POFUT2: variants seen among roughly 807,000 people sequenced by gnomAD.
The protein encoded by POFUT2 is GDP-fucose protein O-fucosyltransferase 2.
In POFUT2, 30 loss-of-function variants were observed where a neutral mutation model predicts 55.0. That is an observed-to-expected ratio of 0.55 (90% confidence interval 0.41 to 0.74). POFUT2 has a LOEUF of 0.74. POFUT2 is among the 30% of genes least tolerant of loss of function. The probability of loss-of-function intolerance (pLI) is 0.00; values close to 1 mark genes in which losing one functional copy is unlikely to be tolerated. For synonymous variants in POFUT2, 267 were observed against 231.1 expected, an observed-to-expected ratio of 1.16 and a Z score of -1.41; for missense variants, 524 against 562.6, an observed-to-expected ratio of 0.93 and a Z score of 0.69.
rs1329914440 is a variant in POFUT2, at chr21:45,283,374, A to G, written c.527+9T>C. On this transcript the variant is annotated intron_variant, in intron 3 of 8. Coordinates refer to ENST00000349485, the MANE Select transcript of POFUT2 (RefSeq NM_133635.6). Reference sequence around the variant, plus strand: ...CACCTGCGGCAGGGGGAGCAGCCTCAGCAGGCACCTGTAGTACTCGTGCTT... The same window carrying G: ...CACCTGCGGCAGGGGGAGCAGCCTCGGCAGGCACCTGTAGTACTCGTGCTT... The G allele has an allele frequency of 1.3e-6, 2 of 1,584,276 alleles. No homozygotes were observed. Among genetic ancestry groups the G allele is most frequent in the South Asian group, 2.2e-5 (2 of 89,244 alleles).
Position 45,269,882 on chromosome 21 carries a change from G to C in POFUT2, c.969C>G (p.His323Gln). The change falls in exon 7 of 9, where the codon CAC becomes CAG. Residue 323 changes from histidine to glutamine, a missense_variant. By Grantham distance (24) the His-to-Gln change is conservative. Coordinates refer to ENST00000349485, the MANE Select transcript of POFUT2 (RefSeq NM_133635.6). ...VRKIRSLMKT[H>Q]RLDKVFVATD... ...TGGCCACAAACACCTTGTCCAGCCG[G>C]TGGGTCTTCATGAGGCTGCGGATCT... 1 of 1,611,246 alleles carries C rather than the reference G, an allele frequency of 6.2e-7. No homozygotes were observed. Among genetic ancestry groups the C allele is most frequent in the Non-Finnish European group, 8.5e-7 (1 of 1,179,210 alleles).
At chr21:45,280,735 C>T (rs1488766165) in intron 4 of POFUT2, among the ~76,000 whole-genome samples, 1 of 150,774 alleles carries the variant, frequency 6.6e-6, no homozygotes. Flanking sequence ...ACTCGCCTCA[C>T]CCCAGGCTGC....
intron 3 of POFUT2, among the ~76,000 whole-genome samples, chr21:45,283,135 G>A (rs1042739450): frequency 7.3e-5 from 11 of 150,708 alleles, no homozygotes; most frequent in Non-Finnish European, 1.2e-4. Context: ...AGGAGGGGAC[G>A]CCCAGAACCC....
At chr21:45,283,314 G>GA (rs2030958364) in intron 3 of POFUT2, 69 bp downstream of exon 3, 2 of 802,538 alleles carry the variant, frequency 2.5e-6, no homozygotes. Flanking sequence ...GAGGCGGGGG[G>GA]GGGGGGACGC....
At position 45,285,461 on chromosome 21, in the gene POFUT2, C is replaced by T. The variant is rs1038659316; in HGVS notation, c.382+217G>A. 6 of 626,978 alleles carry T rather than the reference C, an allele frequency of 9.6e-6. No homozygotes were observed. The African/African-American group carries it at 1.1e-4, about 11-fold the overall frequency. The allele number at this position is 626,978 out of a possible 1,614,324, so 38.8% of individuals were successfully genotyped here. A position where few individuals can be genotyped will look rare whatever the true frequency, so the allele number is the denominator to read the frequency against. The stretch of plus-strand genomic sequence containing the variant: ...AAGCTCATCCACTTCAGGTCCATTT[C>T]CGAGAAACATTTTGGGAAGCTCACT... On this transcript the variant is annotated intron_variant, in intron 2 of 8. Transcript: ENST00000349485. This position sits in a 1 kb window ranked among gnomAD's most constrained non-coding sequence, Gnocchi z 4.9.
At chr21:45,279,059 T>C (rs1308549464) in intron 4 of POFUT2, among the ~76,000 whole-genome samples, 1 of 152,150 alleles carries the variant, frequency 6.6e-6, no homozygotes, top group African/African-American at 2.4e-5. Flanking sequence ...TGGTAAAGGC[T>C]GGAATACAAA....
chr21:45,270,131 T>C lies in POFUT2; in HGVS notation c.832-112A>G, dbSNP rs1250307361. ...GGATGACCCTTTCCATGTGGCCTCC[T>C]CCACGGGGTGGCTCCAGGGCTGTCT... On this transcript the variant is annotated intron_variant, in intron 6 of 8. Coordinates refer to ENST00000349485, the MANE Select transcript of POFUT2 (RefSeq NM_133635.6). This position sits in a 1 kb window ranked among gnomAD's most constrained non-coding sequence, Gnocchi z 4.6. The C allele has an allele frequency of 2.2e-5, 17 of 766,778 alleles. No individual in the cohort carries two copies. Among genetic ancestry groups the C allele is most frequent in the Non-Finnish European group, 3.2e-5 (17 of 526,444 alleles). 47.5% of individuals were successfully genotyped at this position (766,778 alleles called of 1,614,324 possible).
Position 45,273,376 on chromosome 21 carries a change from T to C in POFUT2, c.832-3357A>G, listed in dbSNP as rs1005461735. ...AACAGACCAATAACAAGTAGTGAGATTGAGACAGTAATTTAAAAATTGCCA... is the reference window on the plus strand; with the variant it reads ...AACAGACCAATAACAAGTAGTGAGACTGAGACAGTAATTTAAAAATTGCCA... On this transcript the variant is annotated intron_variant, in intron 6 of 8. Coordinates refer to ENST00000349485, the MANE Select transcript of POFUT2 (RefSeq NM_133635.6). Among the ~76,000 whole-genome samples, 12 of 152,178 alleles carry C rather than the reference T, an allele frequency of 7.9e-5. No homozygotes were observed. The East Asian group carries it at 9.7e-4, about 12-fold the overall frequency.
In POFUT2 at chr21:45,284,147, C is replaced by T. The variant is rs190212229; in HGVS notation, c.383-620G>A. The stretch of plus-strand genomic sequence containing the variant: ...GCACCGCGCAGGTGAAGTTCTGGGG[C>T]AGGAACAAAGCGGGAGGGAGCACCG... On this transcript the variant is annotated intron_variant, in intron 2 of 8. Coordinates refer to ENST00000349485, the MANE Select transcript of POFUT2 (RefSeq NM_133635.6). This position sits in a 1 kb window ranked among gnomAD's most constrained non-coding sequence, Gnocchi z 5.8. 5.2e-3 allele frequency among the ~76,000 whole-genome samples: 782 copies of T among 151,536 alleles called. 6 individuals carry two copies. The highest frequency in any genetic ancestry group is 0.017 in the African/African-American group (720 of 41,284).
chr21:45,283,325 A>ACC, intron 3 of POFUT2, 58 bp downstream of exon 3: 2 of 673,934 alleles, frequency 3.0e-6, no homozygotes, highest in South Asian at 4.0e-5. Context: ...GGGGGGACGC[A>ACC]TGCGGCAGGG....
chr21:45,276,245 TAA>T (rs11290362), intron 6 of POFUT2, among the ~76,000 whole-genome samples: 2,295 of 144,906 alleles, frequency 0.016, 64 homozygotes, highest in African/African-American at 0.055. Context: ...TTAAAAAGAA[TAA>T]AAAAAAAACA....
chr21:45,274,473 A>T (rs916766831), intron 6 of POFUT2, among the ~76,000 whole-genome samples: 1 of 152,212 alleles, frequency 6.6e-6, no homozygotes, highest in African/African-American at 2.4e-5. Flanking sequence ...TAAAATTCAT[A>T]TGGAACCAAA....
chr21:45,266,789 G>C (rs754309762), intron 8 of POFUT2: 3 of 998,180 alleles, frequency 3.0e-6, no homozygotes, highest in Non-Finnish European at 3.6e-6. Flanking sequence ...GGGCAGGAGA[G>C]AGACAGACTA....
chr21:45,265,988 G>A lies in POFUT2; in HGVS notation c.1137-353C>T, dbSNP rs990819682. On this transcript the variant is annotated intron_variant, in intron 8 of 8. Coordinates refer to ENST00000349485, the MANE Select transcript of POFUT2 (RefSeq NM_133635.6). The surrounding 1 kb of genome is among the most constrained non-coding windows in gnomAD (Gnocchi z 4.6). ...AGTGCAGGTCGAATACCTCCTGGGG[G>A]TCACATGGTGAACAATGAGAGATTC... 25 of 1,222,234 alleles carry A rather than the reference G, an allele frequency of 2.0e-5. No homozygotes were observed. Among genetic ancestry groups the A allele is most frequent in the Admixed American group, 3.4e-5 (1 of 29,790 alleles). 75.7% of individuals were successfully genotyped at this position (1,222,234 alleles called of 1,614,324 possible).
At chr21:45,286,853 C>T (rs199918354) in intron 1 of POFUT2, among the ~76,000 whole-genome samples, 15 of 152,334 alleles carry the variant, frequency 9.8e-5, no homozygotes, top group Non-Finnish European at 2.2e-4. Context: ...GCGTCCAGGC[C>T]CCTCCCGGGG....
Position 45,277,975 on chromosome 21 carries a change from C to A in POFUT2, c.705+128G>T. ...GCACAGTCACCGCAGTTGCCCAAAT[C>A]CATGGCTTAAAATGATGGTTTTAAT... On this transcript the variant is annotated intron_variant, in intron 5 of 8. Coordinates refer to ENST00000349485, the MANE Select transcript of POFUT2 (RefSeq NM_133635.6). The surrounding 1 kb of genome is among the most constrained non-coding windows in gnomAD (Gnocchi z 6.9). 1 of 869,472 alleles carries A rather than the reference C, an allele frequency of 1.2e-6. No individual in the cohort carries two copies. Among genetic ancestry groups the A allele is most frequent in the Non-Finnish European group, 1.9e-6 (1 of 523,300 alleles). The allele number at this position is 869,472 out of a possible 1,614,324, so 53.9% of individuals were successfully genotyped here.
chr21:45,280,962 A>G (rs1160046116), intron 4 of POFUT2, among the ~76,000 whole-genome samples: 1 of 152,228 alleles, frequency 6.6e-6, no homozygotes, highest in Non-Finnish European at 1.5e-5. Flanking sequence ...GGCTTTACCA[A>G]TCTTTCTTTT....
In POFUT2 at chr21:45,281,218, C is replaced by G. The variant is rs1175797964; in HGVS notation, c.638+1131G>C. The stretch of plus-strand genomic sequence containing the variant: ...ATCAGGACCATCTAGTTGGAAGCCC[C>G]CTCTGGGCTCAGCTCCATTCTAACC... On this transcript the variant is annotated intron_variant, in intron 4 of 8. Transcript: ENST00000349485. The surrounding 1 kb of genome is among the most constrained non-coding windows in gnomAD (Gnocchi z 5.0). Among the ~76,000 whole-genome samples, 1 of 152,196 alleles carries G rather than the reference C, an allele frequency of 6.6e-6. No individual in the cohort carries two copies. The highest frequency in any genetic ancestry group is 1.5e-5 in the Non-Finnish European group (1 of 68,050).
chr21:45,276,245 T>TA lies in POFUT2; in HGVS notation c.831+771dup, dbSNP rs11290362. ...AAATTAAAAATAAAATTAAAAAGAATAAAAAAAAAACACTGAAAAGAAACA... is the reference window on the plus strand; with the variant it reads ...AAATTAAAAATAAAATTAAAAAGAATAAAAAAAAAAACACTGAAAAGAAACA... On this transcript the variant is annotated intron_variant, in intron 6 of 8. Transcript: ENST00000349485. Among the ~76,000 whole-genome samples, 62 of 144,916 alleles carry TA rather than the reference T, an allele frequency of 4.3e-4. 3 individuals carry two copies. Among genetic ancestry groups the TA allele is most frequent in the East Asian group, 2.8e-3 (14 of 5,002 alleles).
Sources: gnomAD v4.1 joint callset for allele counts (sites outside exome capture counted in the v4.1 genomes callset) on GRCh38, gnomAD v4.1.1 for gene constraint, Gnocchi (gnomAD v3.1) non-coding constraint, MANE v1.5 for transcripts, NCBI Gene and HGNC (gene_info 2026-07-23, HGNC 2026-07-21) for gene names.